The following MSRB3 variants were observed in gnomAD, a reference collection of about 807,000 sequenced individuals.
MSRB3 encodes the protein methionine sulfoxide reductase B3.
MSRB3 carries 13 observed loss-of-function variants against 21.0 expected under a neutral mutation model. The ratio of observed to expected loss-of-function variants is 0.62; its 90% CI spans 0.40 to 0.98. The LOEUF (loss-of-function observed/expected upper bound fraction) is 0.98, where lower values mean the gene tolerates loss of function less well. MSRB3 is among the 50% of genes least tolerant of loss of function. The pLI is 0.00. For synonymous variants in MSRB3, 87 were observed against 88.6 expected (o/e 0.98, Z 0.10); for missense variants, 199 against 230.3 (o/e 0.86, Z 0.88).
At chr12:65,287,838 G>A (rs1410943524) in intron 1 of MSRB3, among the ~76,000 whole-genome samples, 2 of 152,176 alleles carry the variant, frequency 1.3e-5, no homozygotes, top group Admixed American at 6.5e-5. Flanking sequence ...CCTTGTGTAT[G>A]TGTTTGTGTT....
chr12:65,419,614 A>G (rs1193503053), intron 5 of MSRB3: 3 of 714,754 alleles, frequency 4.2e-6, no homozygotes, highest in African/African-American at 3.5e-5. Context: ...ATGAGCCCTC[A>G]GGTCCTCGAT....
At chr12:65,324,773 A>G (rs906247421) in intron 2 of MSRB3, among the ~76,000 whole-genome samples, 4 of 152,214 alleles carry the variant, frequency 2.6e-5, no homozygotes, top group Admixed American at 6.5e-5. Context: ...AAAGCATCCA[A>G]TGTTAGGAAA....
chr12:65,430,915 A>G (rs1247918325), intron 5 of MSRB3, among the ~76,000 whole-genome samples: 1 of 152,098 alleles, frequency 6.6e-6, no homozygotes, highest in Non-Finnish European at 1.5e-5. Context: ...CCTTAAAGTT[A>G]GTTTTACCCT....
intron 6 of MSRB3, among the ~76,000 whole-genome samples, chr12:65,455,959 A>G (rs1202439986): frequency 2.0e-5 from 3 of 151,416 alleles, no homozygotes; most frequent in Non-Finnish European, 4.4e-5. Context: ...CTGGTCTTGA[A>G]CTCCCGAGCT....
rs145438154 is a variant in MSRB3, at chr12:65,365,842, A to G, written c.264-3156A>G. On this transcript the variant is annotated intron_variant, in intron 4 of 6. Transcript: ENST00000308259. ...TCTTCCACCAAAAGACTATGAATTT[A>G]CCCTGAGGAAATGCCAGGACAGTGG... 2.6e-4 allele frequency among the ~76,000 whole-genome samples: 40 copies of G among 152,338 alleles called. No homozygotes were observed. The East Asian group carries it at 7.7e-3, about 29-fold the overall frequency.
At chr12:65,325,824 CAGTG>C (rs1237812825) in intron 2 of MSRB3, among the ~76,000 whole-genome samples, 3 of 152,188 alleles carry the variant, frequency 2.0e-5, no homozygotes, top group African/African-American at 7.2e-5. Flanking sequence ...AATTTTACTG[CAGTG>C]AGTAATGGCT....
chr12:65,411,352 A>G (rs1328985072), intron 5 of MSRB3, among the ~76,000 whole-genome samples: 1 of 152,120 alleles, frequency 6.6e-6, no homozygotes, highest in Non-Finnish European at 1.5e-5. Context: ...TACTTTTTAT[A>G]TGTTTTACAT....
In MSRB3 at chr12:65,466,192, C is replaced by T. The variant is rs1463576235; in HGVS notation, c.*2870C>T. The T allele has an allele frequency of 6.6e-6, 1 of 151,956 alleles. No individual in the cohort carries two copies. Among genetic ancestry groups the T allele is most frequent in the Non-Finnish European group, 1.5e-5 (1 of 67,994 alleles). The allele number at this position is 151,956 out of a possible 1,614,324, so 9.4% of individuals were successfully genotyped here. On this transcript the variant is annotated 3_prime_UTR_variant, in exon 7 of 7. Coordinates refer to ENST00000308259, the MANE Select transcript of MSRB3 (RefSeq NM_001031679.3). ...TTTCTTCTACCACATTTTCCAGGAT[C>T]GACTTTAAGAAAAATGCAACATCTA...
intron 2 of MSRB3, among the ~76,000 whole-genome samples, chr12:65,318,297 G>T (rs1874434217): frequency 6.6e-6 from 1 of 152,084 alleles, no homozygotes; most frequent in African/African-American, 2.4e-5. Context: ...TGTTTCTGGT[G>T]AAGTATACTC....
At chr12:65,366,355 A>G (rs944223183) in intron 4 of MSRB3, among the ~76,000 whole-genome samples, 1 of 152,140 alleles carries the variant, frequency 6.6e-6, no homozygotes, top group Non-Finnish European at 1.5e-5. Context: ...GAAGGGGCCC[A>G]TGTAGGTCAG....
At chr12:65,281,221 CA>C (rs1232495682) in intron 1 of MSRB3, among the ~76,000 whole-genome samples, 1 of 152,172 alleles carries the variant, frequency 6.6e-6, no homozygotes, top group Non-Finnish European at 1.5e-5. Flanking sequence ...AATCTGGTCA[CA>C]ATCCCTCTAA....
intron 5 of MSRB3, among the ~76,000 whole-genome samples, chr12:65,380,948 A>G (rs1034280072): frequency 1.3e-5 from 2 of 152,184 alleles, no homozygotes; most frequent in African/African-American, 2.4e-5. Flanking sequence ...TTCCCACATG[A>G]CATACTTGCT....
At chr12:65,390,344 A>G (rs1879410605) in intron 5 of MSRB3, among the ~76,000 whole-genome samples, 1 of 152,186 alleles carries the variant, frequency 6.6e-6, no homozygotes, top group Non-Finnish European at 1.5e-5. Flanking sequence ...TTCTCAGTAC[A>G]CTACGCTGTT....
At chr12:65,407,725 T>C (rs1168114092) in intron 5 of MSRB3, among the ~76,000 whole-genome samples, 1 of 152,214 alleles carries the variant, frequency 6.6e-6, no homozygotes, top group Non-Finnish European at 1.5e-5. Context: ...TTCTTAGATA[T>C]TCTGTTCTGT....
intron 1 of MSRB3, among the ~76,000 whole-genome samples, chr12:65,300,500 T>C (rs1452306133): frequency 6.6e-6 from 1 of 152,174 alleles, no homozygotes; most frequent in African/African-American, 2.4e-5. Flanking sequence ...AACAAGGACA[T>C]CAATCTGGGG....
rs181169284 is a variant in MSRB3 at position 65,446,519 on chromosome 12, C to T, written c.293-7209C>T. Among the ~76,000 whole-genome samples the T allele has an allele frequency of 2.5e-4, 38 of 152,112 alleles. No homozygotes were observed. The East Asian group carries it at 6.8e-3, about 27-fold the overall frequency. ...TATTAGATGAAGAGACTAAAGTCTG[C>T]AGTTTATTAAAAAAAAAATCTTGCC... is the stretch of plus-strand genomic sequence containing the variant. On this transcript the variant is annotated intron_variant, in intron 5 of 6. Coordinates refer to ENST00000308259, the MANE Select transcript of MSRB3 (RefSeq NM_001031679.3).
chr12:65,348,757 G>A (rs187306670), intron 4 of MSRB3, among the ~76,000 whole-genome samples: 143 of 152,042 alleles, frequency 9.4e-4, no homozygotes, highest in African/African-American at 2.8e-3. Context: ...CACGGCTTTC[G>A]ATGTGTCCCA....
At chr12:65,393,951 T>C (rs1565870848) in intron 5 of MSRB3, among the ~76,000 whole-genome samples, 1 of 152,124 alleles carries the variant, frequency 6.6e-6, no homozygotes, top group Non-Finnish European at 1.5e-5. Flanking sequence ...TATTTATCCA[T>C]AATATCCCTT....
intron 5 of MSRB3, among the ~76,000 whole-genome samples, chr12:65,418,346 A>C (rs148150452): frequency 6.6e-6 from 1 of 152,180 alleles, no homozygotes; most frequent in Non-Finnish European, 1.5e-5. Context: ...AAATTGGGTT[A>C]TTTGTTATCT....
Sources: gnomAD v4.1 joint callset for allele counts (sites outside exome capture counted in the v4.1 genomes callset) on GRCh38, gnomAD v4.1.1 for gene constraint, MANE v1.5 for transcripts, NCBI Gene and HGNC (gene_info 2026-07-23, HGNC 2026-07-21) for gene names.